The following CTNNA3 variants were observed in gnomAD, a reference collection of about 807,000 sequenced individuals.
The protein encoded by CTNNA3 is catenin alpha-3.
In CTNNA3, 76 loss-of-function variants were observed where a neutral mutation model predicts 95.7. The observed-to-expected ratio is 0.79, with a 90% CI of 0.66 to 0.96. CTNNA3 has a LOEUF of 0.96. Among genes scored for constraint, CTNNA3 ranks in the 40% least tolerant of loss-of-function variants. The pLI is 0.00. For missense variants in CTNNA3, 1,191 were observed against 1,089.8 expected (o/e 1.09, Z -1.31); for synonymous variants, 431 against 374.4 (o/e 1.15, Z -1.74).
intron 7 of CTNNA3, among the ~76,000 whole-genome samples, chr10:66,830,487 G>A (rs1261796944): frequency 6.6e-6 from 1 of 152,108 alleles, no homozygotes; most frequent in Non-Finnish European, 1.5e-5. Flanking sequence ...GCAAAACTGG[G>A]GTTTAAATTC....
intron 12 of CTNNA3, among the ~76,000 whole-genome samples, chr10:66,313,360 C>A (rs1305782322): frequency 6.6e-6 from 1 of 152,122 alleles, no homozygotes; most frequent in Non-Finnish European, 1.5e-5. Flanking sequence ...ATGAACTTAC[C>A]AACTCTTCAC....
At chr10:66,557,209 A>C (rs765875708) in intron 10 of CTNNA3, among the ~76,000 whole-genome samples, 1 of 152,098 alleles carries the variant, frequency 6.6e-6, no homozygotes, top group Non-Finnish European at 1.5e-5. Flanking sequence ...GAAAAGGCAC[A>C]TATGCTACAA....
At chr10:66,996,202 G>A (rs1179753876) in intron 7 of CTNNA3, among the ~76,000 whole-genome samples, 1 of 152,146 alleles carries the variant, frequency 6.6e-6, no homozygotes, top group African/African-American at 2.4e-5. Flanking sequence ...CAAGGAGACT[G>A]ATATTATATA....
intron 11 of CTNNA3, among the ~76,000 whole-genome samples, chr10:66,518,219 G>T (rs553004251): frequency 2.0e-5 from 3 of 152,220 alleles, no homozygotes; most frequent in African/African-American, 7.2e-5. Context: ...GGTTAATCTA[G>T]CACTAAAGGG....
chr10:66,679,886 A>G (rs562787715), intron 9 of CTNNA3, among the ~76,000 whole-genome samples: 9 of 152,316 alleles, frequency 5.9e-5, no homozygotes, highest in Admixed American at 5.9e-4. Flanking sequence ...TTTAATACTC[A>G]TACAATAAAA....
At chr10:67,282,492 A>G (rs1265272393) in intron 5 of CTNNA3, among the ~76,000 whole-genome samples, 1 of 152,238 alleles carries the variant, frequency 6.6e-6, no homozygotes, top group African/African-American at 2.4e-5. Flanking sequence ...GCGGATCTTC[A>G]TATCTAAAAA....
At chr10:65,934,863 T>C (rs554367528) in intron 17 of CTNNA3, among the ~76,000 whole-genome samples, 1 of 152,098 alleles carries the variant, frequency 6.6e-6, no homozygotes, top group Non-Finnish European at 1.5e-5. Context: ...CGATATAAGA[T>C]GGCCATTGAT....
At chr10:66,115,281 A>G (rs1169993667) in intron 13 of CTNNA3, among the ~76,000 whole-genome samples, 2 of 152,190 alleles carry the variant, frequency 1.3e-5, no homozygotes, top group African/African-American at 4.8e-5. Context: ...CAGAGCAAAC[A>G]TTAAAGGGGG....
chr10:66,898,368 C>G (rs1845586260), intron 7 of CTNNA3, among the ~76,000 whole-genome samples: 1 of 76,072 alleles, frequency 1.3e-5, no homozygotes, highest in African/African-American at 3.0e-5. Context: ...TACAAAGTAT[C>G]TGTAAAGCTA....
chr10:66,298,967 C>T (rs1051654076), intron 12 of CTNNA3, among the ~76,000 whole-genome samples: 3 of 152,104 alleles, frequency 2.0e-5, no homozygotes, highest in Non-Finnish European at 4.4e-5. Flanking sequence ...TTGAAGTCAT[C>T]CCTCTGCTCA....
intron 3 of CTNNA3, among the ~76,000 whole-genome samples, chr10:67,606,536 G>T (rs1352537761): frequency 6.6e-6 from 1 of 152,110 alleles, no homozygotes; most frequent in African/African-American, 2.4e-5. Context: ...TAAATCTTCA[G>T]CTTCATTAGT....
chr10:66,328,135 T>C (rs1350317858), intron 12 of CTNNA3, among the ~76,000 whole-genome samples: 4 of 152,106 alleles, frequency 2.6e-5, no homozygotes, highest in Admixed American at 2.6e-4. Context: ...GGGGTAAGAA[T>C]CAATAATGAC....
intron 5 of CTNNA3, among the ~76,000 whole-genome samples, chr10:67,388,769 GAA>G (rs1185791209): frequency 6.6e-6 from 1 of 152,078 alleles, no homozygotes; most frequent in East Asian, 1.9e-4. Flanking sequence ...CATTCTTAAA[GAA>G]AAGAATTTTC....
At chr10:67,274,376 A>G (rs1839101138) in intron 5 of CTNNA3, among the ~76,000 whole-genome samples, 1 of 152,210 alleles carries the variant, frequency 6.6e-6, no homozygotes, top group Non-Finnish European at 1.5e-5. Context: ...GATAAAGACA[A>G]TAGGAATATT....
intron 13 of CTNNA3, among the ~76,000 whole-genome samples, chr10:66,225,146 T>C (rs1481161470): frequency 1.3e-5 from 2 of 151,832 alleles, no homozygotes; most frequent in Admixed American, 6.6e-5. Context: ...TCCTCCTTTA[T>C]TGCATCTAGC....
At chr10:65,997,076 C>T (rs1208580627) in intron 15 of CTNNA3, among the ~76,000 whole-genome samples, 1 of 152,012 alleles carries the variant, frequency 6.6e-6, no homozygotes, top group Non-Finnish European at 1.5e-5. Flanking sequence ...CATGGAAAGT[C>T]CAAGCCTAAG....
chr10:67,036,814 T>C (rs1372754372), intron 7 of CTNNA3, among the ~76,000 whole-genome samples: 2 of 152,046 alleles, frequency 1.3e-5, no homozygotes, highest in African/African-American at 4.8e-5. Context: ...ACACATATAA[T>C]TCTAACTCTG....
In CTNNA3 at chr10:66,608,712, G is replaced by T. The variant is rs996993118; in HGVS notation, c.1374+12980C>A. ...GAAAGGATTCCCTGTTCAATAAATG[G>T]TGCTGAGATAACTGGCTAGCCATAC... On this transcript the variant is annotated intron_variant, in intron 10 of 17. Coordinates refer to ENST00000433211, the MANE Select transcript of CTNNA3 (RefSeq NM_013266.4). Among the ~76,000 whole-genome samples the T allele has an allele frequency of 5.9e-5, 9 of 152,232 alleles. No homozygotes were observed. The East Asian group carries it at 1.4e-3, about 23-fold the overall frequency.
At chr10:66,915,156 A>T (rs544429606) in intron 7 of CTNNA3, among the ~76,000 whole-genome samples, 231 of 151,850 alleles carry the variant, frequency 1.5e-3, no homozygotes, top group African/African-American at 5.4e-3. Context: ...ACACGTCTCC[A>T]TATTTAAAAA....
Sources: gnomAD v4.1 joint callset for allele counts (sites outside exome capture counted in the v4.1 genomes callset) on GRCh38, gnomAD v4.1.1 for gene constraint, MANE v1.5 for transcripts, NCBI Gene and HGNC (gene_info 2026-07-23, HGNC 2026-07-21) for gene names.